VIL1: variants seen among roughly 807,000 people sequenced by gnomAD.
VIL1 encodes villin-1.
In VIL1, 86 loss-of-function variants were observed where a neutral mutation model predicts 104.0. The observed-to-expected ratio is 0.83, with a 90% confidence interval of 0.69 to 0.99. The LOEUF is 0.99. VIL1 is among the 50% of genes least tolerant of loss of function. VIL1 has a pLI of 0.00. For synonymous variants in VIL1, 394 were observed against 412.6 expected, an observed-to-expected ratio of 0.95 and a Z score of 0.55; for missense variants, 944 against 1,054.1, an observed-to-expected ratio of 0.90 and a Z score of 1.45.
rs139447471 is a variant in VIL1, at chr2:218,432,840, C to T, written c.1389C>T (p.Ala463=). The part of the protein sequence containing the change: ...QDEITASAYQ[A]VILDQKYNGE... ...AAATTACAGCATCAGCTTATCAAGCCGTCATCCTGGACCAGAAGTACAATG... is the reference window on the plus strand; with the variant it reads ...AAATTACAGCATCAGCTTATCAAGCTGTCATCCTGGACCAGAAGTACAATG... Residue 463 remains alanine, a synonymous_variant, in exon 13 of 20, where the codon GCC becomes GCT. Coordinates refer to ENST00000248444, the MANE Select transcript of VIL1 (RefSeq NM_007127.3). 33 of 1,614,188 alleles carry T rather than the reference C, an allele frequency of 2.0e-5. No homozygotes were observed. The highest frequency in any genetic ancestry group is 2.7e-5 in the African/African-American group (2 of 75,046).
chr2:218,428,552 C>A (rs1324403750), intron 6 of VIL1, among the ~76,000 whole-genome samples: 1 of 152,192 alleles, frequency 6.6e-6, no homozygotes, highest in Non-Finnish European at 1.5e-5. Flanking sequence ...TGTGACAGAG[C>A]CTGTGCCAAG....
At chr2:218,437,388 T>A in intron 17 of VIL1, 76 bp downstream of exon 17, 1 of 1,533,330 alleles carries the variant, frequency 6.5e-7, no homozygotes, top group East Asian at 2.3e-5. Context: ...GGCCATTCTG[T>A]CTCTTTGGGA....
In VIL1 at chr2:218,437,213, C is replaced by T. The variant is rs142494846; in HGVS notation, c.2061C>T (p.Ser687=). The T allele has an allele frequency of 4.3e-4, 690 of 1,614,194 alleles. 1 individual carries two copies. The highest frequency in any genetic ancestry group is 4.0e-3 in the Middle Eastern group (24 of 6,062). ...TAQEYLKTHP[S]GRDPETPIIV... ...AGGAATACCTCAAGACCCATCCCAG[C>T]GGGCGTGACCCTGAGACCCCCATCA... Residue 687 remains serine (S), a synonymous_variant, in exon 17 of 20, where the codon AGC becomes AGT. Transcript: ENST00000248444.
Position 218,429,330 on chromosome 2 carries a change from C to A in VIL1, c.613C>A (p.Arg205Ser), listed in dbSNP as rs763341658. 2 of 1,614,046 alleles carry A rather than the reference C, an allele frequency of 1.2e-6. No homozygotes were observed. Among genetic ancestry groups the A allele is most frequent in the South Asian group, 1.1e-5 (1 of 91,080 alleles). Residue 205 changes from arginine (R) to serine (S), a missense_variant, in exon 7 of 20, where the codon CGC (arginine) becomes AGC (serine). Transcript: ENST00000248444. ...KEIRDQERGG[R>S]TYVGVVDGEN... is the part of the protein sequence containing the mutation. Reference sequence around the variant, plus strand: ...GATCCGAGACCAGGAGCGGGGAGGGCGCACCTATGTAGGCGTGGTGGACGG... The same window carrying A: ...GATCCGAGACCAGGAGCGGGGAGGGAGCACCTATGTAGGCGTGGTGGACGG...
chr2:218,436,384 C>A (rs967342822), intron 15 of VIL1, 98 bp from the exon 16 acceptor site: 12 of 1,479,108 alleles, frequency 8.1e-6, no homozygotes, highest in Non-Finnish European at 1.0e-5. Context: ...TGGAGATGAC[C>A]TTTCTATGCC....
At chr2:218,448,081 G>A (rs1241396195) in intron 19 of VIL1, among the ~76,000 whole-genome samples, 1 of 151,804 alleles carries the variant, frequency 6.6e-6, no homozygotes, top group Non-Finnish European at 1.5e-5. Context: ...GCAACATGGT[G>A]AAACTTGATC....
intron 12 of VIL1, chr2:218,432,420 C>T: frequency 1.3e-6 from 1 of 742,536 alleles, no homozygotes; most frequent in Admixed American, 2.0e-5. Flanking sequence ...TTCTTGTCAC[C>T]TGCTCTGCCC....
At position 218,432,927 on chromosome 2, in the gene VIL1, C is replaced by T. The variant is rs79186259; in HGVS notation, c.1476C>T (p.Phe492=). Residue 492 remains phenylalanine, a synonymous_variant, in exon 13 of 20, where the codon TTC becomes TTT. Coordinates refer to ENST00000248444, the MANE Select transcript of VIL1 (RefSeq NM_007127.3). ...AGCCACCTCATCTTATGTCCATCTT[C>T]AAGGGACGCATGGTGGTCTACCAGG... ...GKEPPHLMSI[F]KGRMVVYQGG... 1.1e-5 allele frequency: 18 copies of T among 1,614,088 alleles called. No individual in the cohort carries two copies. In the East Asian group the frequency reaches 3.3e-4, roughly 30 times the overall value.
At position 218,453,253 on chromosome 2, in the gene VIL1, TTTTG is replaced by T. The variant is rs754570453; in HGVS notation, c.*3921_*3924del. The T allele has an allele frequency of 1.3e-5, 2 of 152,042 alleles. No homozygotes were observed. Among genetic ancestry groups the T allele is most frequent in the East Asian group, 1.9e-4 (1 of 5,172 alleles). 9.4% of individuals were successfully genotyped at this position (152,042 alleles called of 1,614,324 possible). ...CTTCTGTGATGATGGTTTGTGTTTT[TTTTG>T]TTTTTGTTTTCGTTTTTTTTAATGA... On this transcript the variant is annotated 3_prime_UTR_variant, in exon 20 of 20. Transcript: ENST00000248444.
rs754201323 is a variant in VIL1 at position 218,430,786 on chromosome 2, C to G, written c.1010C>G (p.Ala337Gly). ...CAGGTGGAGGTGCAGAATGATGGGG[C>G]TGAGTCGGCCGTCTTTCAGCAGCTC... is the stretch of plus-strand genomic sequence containing the variant. ...STQVEVQNDG[A>G]ESAVFQQLFQ... is the part of the protein sequence containing the mutation. Residue 337 changes from alanine (A) to glycine (G), a missense_variant, in exon 10 of 20, where the codon GCT (alanine) becomes GGT (glycine). By Grantham distance (60) the Ala-to-Gly change is moderately conservative. Transcript: ENST00000248444. 2 of 1,613,316 alleles carry G rather than the reference C, an allele frequency of 1.2e-6. No homozygotes were observed. The highest frequency in any genetic ancestry group is 2.7e-5 in the African/African-American group (2 of 74,890).
intron 15 of VIL1, 65 bp downstream of exon 15, chr2:218,435,499 C>T (rs904724128): frequency 1.2e-5 from 19 of 1,570,850 alleles, no homozygotes; most frequent in Non-Finnish European, 1.6e-5. Flanking sequence ...ATCTCCATCC[C>T]TACACCCAGA....
chr2:218,421,102 T>C (rs770458136), intron 1 of VIL1, among the ~76,000 whole-genome samples: 31 of 152,048 alleles, frequency 2.0e-4, no homozygotes, highest in Non-Finnish European at 4.0e-4. Context: ...GAGATCTAAA[T>C]TGAGTCTAGA....
chr2:218,420,864 C>A (rs1011424161), intron 1 of VIL1, among the ~76,000 whole-genome samples: 1 of 152,176 alleles, frequency 6.6e-6, no homozygotes, highest in East Asian at 1.9e-4. Flanking sequence ...GGATTACACG[C>A]GTGAGCCACC....
rs372147210 is a variant in VIL1 at position 218,431,954 on chromosome 2, G to T, written c.1200G>T (p.Val400=). The T allele has an allele frequency of 6.2e-7, 1 of 1,614,052 alleles. No individual in the cohort carries two copies. The highest frequency in any genetic ancestry group is 8.5e-7 in the Non-Finnish European group (1 of 1,180,014). The part of the protein sequence containing the change: ...QKMVDDGSGE[V]QVWRIENLEL... ...TGGTAGATGATGGGAGTGGGGAAGTGCAGGTATGTGAGGGCAGAGAGGCCC... is the reference window on the plus strand; with the variant it reads ...TGGTAGATGATGGGAGTGGGGAAGTTCAGGTATGTGAGGGCAGAGAGGCCC... The change falls in exon 11 of 20, where the codon GTG becomes GTT. Residue 400 remains valine (V), a synonymous_variant. Coordinates refer to ENST00000248444, the MANE Select transcript of VIL1 (RefSeq NM_007127.3).
chr2:218,425,583 G>A, intron 3 of VIL1, 32 bp from the exon 4 acceptor site: 1 of 1,609,302 alleles, frequency 6.2e-7, no homozygotes, highest in Non-Finnish European at 8.5e-7. Flanking sequence ...GGGAGCCCAG[G>A]GTCTCGGGTA....
chr2:218,429,499 G>A lies in VIL1; in HGVS notation c.770+12G>A. The A allele has an allele frequency of 6.2e-7, 1 of 1,613,608 alleles. No homozygotes were observed. Among genetic ancestry groups the A allele is most frequent in the Non-Finnish European group, 8.5e-7 (1 of 1,179,728 alleles). ...CTCAAACTGTACCAGTGAGCGCCCA[G>A]CGGGGTCTTCCTGGGTGCTGGGGAC... On this transcript the variant is annotated intron_variant, in intron 7 of 19. Transcript: ENST00000248444.
At chr2:218,446,904 C>T (rs1370577802) in intron 19 of VIL1, among the ~76,000 whole-genome samples, 2 of 151,718 alleles carry the variant, frequency 1.3e-5, no homozygotes, top group Non-Finnish European at 2.9e-5. Flanking sequence ...GCTGGGATTA[C>T]AGGCGCCTGC....
chr2:218,427,923 C>T (rs377030337), intron 4 of VIL1, 42 bp from the exon 5 acceptor site: 104 of 1,580,782 alleles, frequency 6.6e-5, no homozygotes, highest in Non-Finnish European at 8.6e-5. Flanking sequence ...CCAGGCACAC[C>T]TCCCAGCCCA....
chr2:218,427,846 C>A, intron 4 of VIL1, 119 bp from the exon 5 acceptor site: 1 of 877,150 alleles, frequency 1.1e-6, no homozygotes, highest in South Asian at 1.5e-5. Flanking sequence ...CCTCATTGAC[C>A]TCGCCTACTC....
Sources: gnomAD v4.1 joint callset for allele counts (sites outside exome capture counted in the v4.1 genomes callset) on GRCh38, gnomAD v4.1.1 for gene constraint, MANE v1.5 for transcripts, NCBI Gene and HGNC (gene_info 2026-07-23, HGNC 2026-07-21) for gene names.